Variants in PPARGC1A observed in about 807,000 individuals in gnomAD.
The protein encoded by PPARGC1A is peroxisome proliferator-activated receptor gamma coactivator 1-alpha.
Under a neutral mutation model 88.7 loss-of-function variants are expected in PPARGC1A, and 25 were observed. The ratio of observed to expected loss-of-function variants is 0.28; its 90% CI spans 0.21 to 0.39. The LOEUF is 0.39. PPARGC1A is among the 10% of genes least tolerant of loss of function. PPARGC1A has a pLI of 1.00. For synonymous variants in PPARGC1A, 363 were observed against 355.6 expected (o/e 1.02, Z -0.24); for missense variants, 880 against 968.7 (o/e 0.91, Z 1.22).
chr4:24,194,650 ACACACACACACACACACAC>A, the PPARGC1A span, among the ~76,000 whole-genome samples: 39 of 19,440 alleles, frequency 2.0e-3, no homozygotes, highest in African/African-American at 3.3e-3. Flanking sequence ...ACACACACAC[ACACACACACACACACACAC>A]CCCCATCAAG....
At chr4:24,211,106 C>A in the PPARGC1A span, among the ~76,000 whole-genome samples, 292 of 152,288 alleles carry the variant, frequency 1.9e-3, no homozygotes, top group African/African-American at 6.8e-3. Context: ...CAGGCAAGAA[C>A]TTTTTCATGT....
At chr4:24,137,649 C>T in the PPARGC1A span, among the ~76,000 whole-genome samples, 334 of 152,188 alleles carry the variant, frequency 2.2e-3, 2 homozygotes, top group African/African-American at 7.9e-3. Context: ...TACTGCCCCC[C>T]ACAAGAAATG....
chr4:24,157,080 A>T, the PPARGC1A span, among the ~76,000 whole-genome samples: 1 of 152,186 alleles, frequency 6.6e-6, no homozygotes, highest in Non-Finnish European at 1.5e-5. Context: ...CACATGCTGG[A>T]GCAAAAATCT....
intron 10 of PPARGC1A, among the ~76,000 whole-genome samples, chr4:23,804,465 G>A (rs1373754100): frequency 6.6e-6 from 1 of 152,102 alleles, no homozygotes; most frequent in Non-Finnish European, 1.5e-5. Flanking sequence ...ACTTGGATCT[G>A]TGTCCATGTT....
In PPARGC1A at chr4:23,873,417, G is replaced by A. The variant is rs114039167; in HGVS notation, c.234+11335C>T. On this transcript the variant is annotated intron_variant, in intron 2 of 12. Coordinates refer to ENST00000264867, the MANE Select transcript of PPARGC1A (RefSeq NM_013261.5). ...GTCTTCAGGCCATTGGAAGAAAGAT[G>A]AGGAAGGTTGAACACATCTAAGAAT... Among the ~76,000 whole-genome samples, 1,360 of 152,170 alleles carry A rather than the reference G, an allele frequency of 8.9e-3. 17 individuals are homozygous for A. The highest frequency in any genetic ancestry group is 0.031 in the African/African-American group (1,301 of 41,544).
At chr4:23,861,558 A>G (rs963719347) in intron 2 of PPARGC1A, among the ~76,000 whole-genome samples, 3 of 152,202 alleles carry the variant, frequency 2.0e-5, no homozygotes, top group African/African-American at 7.2e-5. Context: ...CCCTGCTTAT[A>G]ATGTAGGTGA....
chr4:23,855,277 C>T (rs1729994811), intron 2 of PPARGC1A, among the ~76,000 whole-genome samples: 1 of 152,146 alleles, frequency 6.6e-6, no homozygotes, highest in South Asian at 2.1e-4. Flanking sequence ...TGAGACTGGA[C>T]TAATATACCC....
the PPARGC1A span, among the ~76,000 whole-genome samples, chr4:24,423,583 C>T: frequency 4.6e-5 from 7 of 152,286 alleles, no homozygotes; most frequent in African/African-American, 1.7e-4. Flanking sequence ...TAGTCTTTCC[C>T]TTTTTGTATG....
At chr4:23,934,957 G>T in the PPARGC1A span, among the ~76,000 whole-genome samples, 3 of 152,208 alleles carry the variant, frequency 2.0e-5, no homozygotes, top group Admixed American at 2.0e-4. Flanking sequence ...CATGTGAGCT[G>T]CACCCTTTCA....
the PPARGC1A span, among the ~76,000 whole-genome samples, chr4:24,286,228 T>C: frequency 2.0e-5 from 3 of 152,154 alleles, no homozygotes; most frequent in Non-Finnish European, 4.4e-5. Flanking sequence ...AGTCATGATA[T>C]GGCTATTGCT....
the PPARGC1A span, among the ~76,000 whole-genome samples, chr4:24,085,794 C>T: frequency 1.2e-4 from 18 of 152,174 alleles, no homozygotes; most frequent in Non-Finnish European, 2.1e-4. Context: ...CTATTCCCCT[C>T]GCTCCAGGTA....
At chr4:23,954,880 A>G in the PPARGC1A span, among the ~76,000 whole-genome samples, 4 of 152,168 alleles carry the variant, frequency 2.6e-5, no homozygotes, top group African/African-American at 9.6e-5. Context: ...CCCAAATATT[A>G]TATTCACAAC....
chr4:24,333,543 G>A, the PPARGC1A span, among the ~76,000 whole-genome samples: 1 of 152,156 alleles, frequency 6.6e-6, no homozygotes, highest in Admixed American at 6.5e-5. Flanking sequence ...TCTTACCAGA[G>A]GCAGAGAGCA....
chr4:24,019,232 A>G, the PPARGC1A span, among the ~76,000 whole-genome samples: 10 of 152,200 alleles, frequency 6.6e-5, no homozygotes, highest in African/African-American at 2.2e-4. Flanking sequence ...ATTCCTACAT[A>G]TAATCCTAGG....
the PPARGC1A span, among the ~76,000 whole-genome samples, chr4:24,257,885 C>T: frequency 2.8e-4 from 43 of 151,934 alleles, no homozygotes; most frequent in African/African-American, 1.0e-3. Context: ...GAAATAAAGA[C>T]ACCTTATATT....
chr4:24,387,760 GAGAGAGAGAAAGAAAGAA>G, the PPARGC1A span, among the ~76,000 whole-genome samples: 11 of 79,966 alleles, frequency 1.4e-4, 1 homozygote, highest in African/African-American at 5.1e-4. Context: ...GAGAGAGAGA[GAGAGAGAGAAAGAAAGAA>G]AGAAAGAAAG....
chr4:24,037,617 G>A, the PPARGC1A span, among the ~76,000 whole-genome samples: 36 of 152,246 alleles, frequency 2.4e-4, no homozygotes, highest in African/African-American at 8.4e-4. Context: ...ATCCCTTGTT[G>A]AATGTTTGCA....
At chr4:24,387,480 C>G in the PPARGC1A span, among the ~76,000 whole-genome samples, 1 of 152,102 alleles carries the variant, frequency 6.6e-6, no homozygotes, top group Non-Finnish European at 1.5e-5. Context: ...AATCCCAGCA[C>G]TTTGTTAGGC....
chr4:24,071,133 A>G, the PPARGC1A span, among the ~76,000 whole-genome samples: 2 of 152,226 alleles, frequency 1.3e-5, no homozygotes, highest in African/African-American at 4.8e-5. Context: ...GCTGGTGCCT[A>G]GAAGGCCAGG....
Sources: allele counts gnomAD v4.1 joint callset (sites outside exome capture counted in the v4.1 genomes callset), GRCh38; gene constraint gnomAD v4.1.1; transcripts MANE v1.5; gene names NCBI Gene and HGNC (gene_info 2026-07-23, HGNC 2026-07-21).